Variants in HDAC9 observed in about 807,000 individuals in gnomAD.
HDAC9 encodes MEF-2 interacting transcription repressor (MITR) protein.
In HDAC9, 41 loss-of-function variants were observed where a neutral mutation model predicts 139.4. The observed-to-expected ratio is 0.29, with a 90% CI of 0.23 to 0.38. HDAC9 has a LOEUF of 0.38. Among genes scored for constraint, HDAC9 ranks in the 10% least tolerant of loss-of-function variants. The pLI, the probability that HDAC9 is intolerant of heterozygous loss-of-function variation, is 1.00. For synonymous variants in HDAC9, 517 were observed against 476.2 expected (o/e 1.09, Z -1.12); for missense variants, 1,147 against 1,297.0 (o/e 0.88, Z 1.78).
chr7:18,815,645 T>G (rs1261643249), intron 17 of HDAC9, among the ~76,000 whole-genome samples: 1 of 152,160 alleles, frequency 6.6e-6, no homozygotes, highest in East Asian at 1.9e-4. Flanking sequence ...CCAGGCTTCT[T>G]AAGAACTGTT....
At chr7:18,475,121 A>G (rs754749899) in intron 1 of HDAC9, among the ~76,000 whole-genome samples, 2 of 152,168 alleles carry the variant, frequency 1.3e-5, no homozygotes, top group East Asian at 1.9e-4. Flanking sequence ...TCCTTTGCCT[A>G]ACAGAGCTCG....
chr7:18,852,605 A>C (rs548712604), intron 21 of HDAC9, among the ~76,000 whole-genome samples: 4 of 152,324 alleles, frequency 2.6e-5, no homozygotes, highest in African/African-American at 7.2e-5. Context: ...GCCTTGGTAC[A>C]TATAGTCCTA....
In HDAC9 at chr7:18,452,211, C is replaced by CT. The variant is rs1792935802; in HGVS notation, c.-41-44050dup. Among the ~76,000 whole-genome samples, 4 of 152,262 alleles carry CT rather than the reference C, an allele frequency of 2.6e-5. No individual in the cohort carries two copies. The South Asian group carries it at 8.3e-4, about 32-fold the overall frequency. ...CTGAACTGTGGTAGCCACACACTCC[C>CT]TGAGCCTCATGTAGTGATCTTTCAA... On this transcript the variant is annotated intron_variant, in intron 1 of 3. Transcript: ENST00000413509.
chr7:18,426,762 T>C (rs187997514), intron 1 of HDAC9, among the ~76,000 whole-genome samples: 2 of 152,326 alleles, frequency 1.3e-5, no homozygotes, highest in Non-Finnish European at 2.9e-5. Flanking sequence ...TTATTCAAGA[T>C]GACTTGTAAA....
intron 2 of HDAC9, among the ~76,000 whole-genome samples, chr7:18,244,696 C>T (rs1310272109): frequency 1.3e-5 from 2 of 151,836 alleles, no homozygotes; most frequent in African/African-American, 2.4e-5. Context: ...TACTCGGGAG[C>T]CTGAGGCGGG....
chr7:18,581,019 A>C (rs1827659854), intron 2 of HDAC9, among the ~76,000 whole-genome samples: 1 of 152,134 alleles, frequency 6.6e-6, no homozygotes, highest in Non-Finnish European at 1.5e-5. Flanking sequence ...AAATAGAAAG[A>C]ATGGCTATGA....
intron 1 of HDAC9, among the ~76,000 whole-genome samples, chr7:18,300,146 A>C (rs1294061740): frequency 6.6e-6 from 1 of 151,540 alleles, no homozygotes; most frequent in Non-Finnish European, 1.5e-5. Flanking sequence ...GCAGCCCAAC[A>C]CAAATTTGTA....
At chr7:18,789,811 T>A (rs1212598031) in intron 16 of HDAC9, among the ~76,000 whole-genome samples, 1 of 152,150 alleles carries the variant, frequency 6.6e-6, no homozygotes, top group Non-Finnish European at 1.5e-5. Flanking sequence ...CCACTATCAG[T>A]TGATGAACTC....
rs573271425 is a variant in HDAC9, at chr7:18,296,606, A to G, written c.-42+6091A>G. Among the ~76,000 whole-genome samples, 31 of 152,316 alleles carry G rather than the reference A, an allele frequency of 2.0e-4. 1 individual carries two copies. The highest frequency in any genetic ancestry group is 7.5e-4 in the African/African-American group (31 of 41,574). ...TGTGTTAAAATTCTACTACATATGT[A>G]TGTATCCCCAAACGAAGTATGAAAT... On this transcript the variant is annotated intron_variant, in intron 1 of 3. Transcript: ENST00000413509.
At chr7:18,882,566 T>G (rs1054350141) in intron 22 of HDAC9, among the ~76,000 whole-genome samples, 2 of 152,062 alleles carry the variant, frequency 1.3e-5, no homozygotes, top group African/African-American at 4.8e-5. Context: ...AATAGCTAAT[T>G]TTGGTATTGG....
At chr7:18,390,589 C>T (rs1259484411) in intron 1 of HDAC9, among the ~76,000 whole-genome samples, 1 of 152,142 alleles carries the variant, frequency 6.6e-6, no homozygotes, top group Non-Finnish European at 1.5e-5. Context: ...TTTTCCTGCT[C>T]ATAAAACCTT....
At chr7:18,365,260 A>C (rs562370419) in intron 1 of HDAC9, among the ~76,000 whole-genome samples, 24 of 152,200 alleles carry the variant, frequency 1.6e-4, no homozygotes, top group African/African-American at 5.8e-4. Flanking sequence ...AGAGTTGTAA[A>C]TAAATTTTAG....
chr7:18,564,456 A>G (rs895399850), intron 2 of HDAC9, among the ~76,000 whole-genome samples: 2 of 152,098 alleles, frequency 1.3e-5, no homozygotes, highest in Admixed American at 1.3e-4. Context: ...TCCTGGCTTT[A>G]TTTTACAGTT....
chr7:18,193,464 A>G (rs770502433), intron 2 of HDAC9, among the ~76,000 whole-genome samples: 2 of 152,204 alleles, frequency 1.3e-5, no homozygotes, highest in Non-Finnish European at 2.9e-5. Context: ...TGTGGTGTAC[A>G]GGGAGATTTA....
intron 2 of HDAC9, among the ~76,000 whole-genome samples, chr7:18,220,738 G>A (rs547411887): frequency 6.6e-6 from 1 of 152,174 alleles, no homozygotes; most frequent in Non-Finnish European, 1.5e-5. Flanking sequence ...TAGACCATCA[G>A]TTGAAAGGTT....
chr7:18,933,687 C>A (rs988335553), intron 22 of HDAC9, among the ~76,000 whole-genome samples: 3 of 151,908 alleles, frequency 2.0e-5, no homozygotes, highest in African/African-American at 7.3e-5. Context: ...CATGAATCAG[C>A]AGAAACAACA....
At chr7:18,340,438 C>T (rs1439727055) in intron 1 of HDAC9, among the ~76,000 whole-genome samples, 1 of 151,432 alleles carries the variant, frequency 6.6e-6, no homozygotes, top group East Asian at 1.9e-4. Context: ...GTTCTTTGTT[C>T]CCTTTTTACT....
chr7:18,655,404 C>T (rs971049162), intron 11 of HDAC9, among the ~76,000 whole-genome samples: 3 of 152,202 alleles, frequency 2.0e-5, no homozygotes, highest in Admixed American at 6.5e-5. Context: ...GAAACTTTGA[C>T]GTTACCCTTA....
intron 21 of HDAC9, among the ~76,000 whole-genome samples, chr7:18,860,367 T>C (rs894903706): frequency 6.6e-6 from 1 of 152,164 alleles, no homozygotes; most frequent in Non-Finnish European, 1.5e-5. Flanking sequence ...TGTGTTCTAT[T>C]TTCTATTCAT....
Sources: allele counts gnomAD v4.1 joint callset (sites outside exome capture counted in the v4.1 genomes callset), GRCh38; gene constraint gnomAD v4.1.1; transcripts MANE v1.5; gene names NCBI Gene and HGNC (gene_info 2026-07-23, HGNC 2026-07-21).